The following KIRREL3 variants were observed in gnomAD, a reference collection of about 807,000 sequenced individuals.
KIRREL3 encodes kirre like nephrin family adhesion molecule 3, also known as kin of IRRE-like protein 3.
KIRREL3 carries 36 observed loss-of-function variants against 89.7 expected under a neutral mutation model. The ratio of observed to expected loss-of-function variants is 0.40; its 90% CI spans 0.31 to 0.53. KIRREL3 has a LOEUF of 0.53. KIRREL3 is among the 20% of genes least tolerant of loss of function. The probability of loss-of-function intolerance (pLI) is 0.49; values close to 1 mark genes in which losing one functional copy is unlikely to be tolerated. For synonymous variants in KIRREL3, 445 were observed against 441.4 expected (o/e 1.01, Z -0.10); for missense variants, 864 against 1,056.6 (o/e 0.82, Z 2.53).
chr11:126,538,816 G>A (rs577712169), intron 2 of KIRREL3, among the ~76,000 whole-genome samples: 8 of 152,264 alleles, frequency 5.3e-5, no homozygotes, highest in African/African-American at 1.7e-4. Context: ...TATGTCTTCC[G>A]CTGAGTAGGC....
At chr11:126,851,106 T>G (rs1944325838) in intron 1 of KIRREL3, among the ~76,000 whole-genome samples, 1 of 152,170 alleles carries the variant, frequency 6.6e-6, no homozygotes, top group Admixed American at 6.5e-5. Flanking sequence ...GGAAAAGAAT[T>G]CTGTATAAAG....
chr11:126,536,656 T>TA (rs1380176237), intron 2 of KIRREL3, among the ~76,000 whole-genome samples: 1 of 142,834 alleles, frequency 7.0e-6, no homozygotes, highest in Admixed American at 7.1e-5. Context: ...TTTTTTTTTT[T>TA]TTTTTTTTTT....
Position 126,684,660 on chromosome 11 carries a change from C to T in KIRREL3, c.56-121748G>A, listed in dbSNP as rs755051060. On this transcript the variant is annotated intron_variant, in intron 1 of 16. Transcript: ENST00000525144. This position sits in a 1 kb window ranked among gnomAD's most constrained non-coding sequence, Gnocchi z 4.2. The stretch of plus-strand genomic sequence containing the variant: ...ATTTCTTTGGGCCAGTCTCCTTTGT[C>T]TGCACTTGCTGAGAAGGCATTTATG... Among the ~76,000 whole-genome samples, 3 of 152,360 alleles carry T rather than the reference C, an allele frequency of 2.0e-5. No homozygotes were observed. The highest frequency in any genetic ancestry group is 2.9e-5 in the Non-Finnish European group (2 of 68,040).
At chr11:126,765,174 T>C (rs1949783730) in intron 1 of KIRREL3, among the ~76,000 whole-genome samples, 1 of 152,206 alleles carries the variant, frequency 6.6e-6, no homozygotes, top group African/African-American at 2.4e-5. Context: ...CCAAATACCC[T>C]GGCCCAACTA....
In KIRREL3 at chr11:126,726,118, TG is replaced by T. The variant is rs1948370040; in HGVS notation, c.56-163207del. On this transcript the variant is annotated intron_variant, in intron 1 of 16. Coordinates refer to ENST00000525144, the MANE Select transcript of KIRREL3 (RefSeq NM_032531.4). ...CATTCTAACCCCCTGTGTCCCGAAG[TG>T]GGTCTCTAAGGCCCTTCTGTGGAAC... 2.0e-5 allele frequency among the ~76,000 whole-genome samples: 3 copies of T among 152,140 alleles called. No individual in the cohort carries two copies. The South Asian group carries it at 6.2e-4, about 32-fold the overall frequency.
chr11:126,974,001 A>G lies in KIRREL3; in HGVS notation c.55+26454T>C, dbSNP rs185710798. On this transcript the variant is annotated intron_variant, in intron 1 of 16. Coordinates refer to ENST00000525144, the MANE Select transcript of KIRREL3 (RefSeq NM_032531.4). ...CAAGACTAGGGCTCATGTTTTCTTT[A>G]GTTGTCCTGTGTGCTCCCTGAGGGC... Among the ~76,000 whole-genome samples the G allele has an allele frequency of 3.9e-5, 6 of 152,144 alleles. No individual in the cohort carries two copies. The East Asian group carries it at 1.2e-3, about 29-fold the overall frequency.
intron 1 of KIRREL3, among the ~76,000 whole-genome samples, chr11:126,874,894 G>A (rs922439619): frequency 1.3e-5 from 2 of 152,132 alleles, no homozygotes; most frequent in Non-Finnish European, 2.9e-5. Context: ...GGCCTAGAGA[G>A]GTGGAGACCT....
At chr11:126,625,090 C>T (rs1391361251) in intron 1 of KIRREL3, among the ~76,000 whole-genome samples, 4 of 152,194 alleles carry the variant, frequency 2.6e-5, no homozygotes, top group African/African-American at 9.6e-5. Flanking sequence ...CTACATATCC[C>T]TGATGATAAT....
At chr11:126,885,451 A>G (rs1945659839) in intron 1 of KIRREL3, among the ~76,000 whole-genome samples, 1 of 152,214 alleles carries the variant, frequency 6.6e-6, no homozygotes, top group African/African-American at 2.4e-5. Context: ...GTTTCTTAGG[A>G]AAGACAGGTT....
intron 1 of KIRREL3, among the ~76,000 whole-genome samples, chr11:126,901,590 G>A (rs1309042508): frequency 6.6e-6 from 1 of 152,170 alleles, no homozygotes; most frequent in Non-Finnish European, 1.5e-5. Flanking sequence ...TGGTCCTGCT[G>A]GCAACCTCTT....
intron 1 of KIRREL3, among the ~76,000 whole-genome samples, chr11:126,770,762 C>T (rs1949995020): frequency 6.6e-6 from 1 of 152,114 alleles, no homozygotes; most frequent in Admixed American, 6.5e-5. Flanking sequence ...TCATACGGAG[C>T]CCCAGAGCAG....
chr11:126,642,523 G>A lies in KIRREL3; in HGVS notation c.56-79611C>T, dbSNP rs73629129. On this transcript the variant is annotated intron_variant, in intron 1 of 16. Coordinates refer to ENST00000525144, the MANE Select transcript of KIRREL3 (RefSeq NM_032531.4). This position sits in a 1 kb window ranked among gnomAD's most constrained non-coding sequence, Gnocchi z 4.9. ...TTCCATTCCCCATCCCCTTTCCTCT[G>A]CCTTTTCCAAGCAAACTCTTACTCT... Among the ~76,000 whole-genome samples, 11,129 of 152,216 alleles carry A rather than the reference G, an allele frequency of 0.073. 545 individuals carry two copies. The highest frequency in any genetic ancestry group is 0.13 in the African/African-American group (5,412 of 41,516).
chr11:126,821,355 A>AT (rs1440926983), intron 1 of KIRREL3, among the ~76,000 whole-genome samples: 9 of 140,424 alleles, frequency 6.4e-5, no homozygotes, highest in East Asian at 2.1e-4. Context: ...ATATATATGT[A>AT]ACTTCCAACC....
In KIRREL3 at chr11:126,447,211, C is replaced by T. The variant is rs376848255; in HGVS notation, c.998-325G>A. Reference sequence around the variant, plus strand: ...GATTTACCCCCACGGCTCTCATCCCCTTCCCTCTGTCTGGATCACGCCCGG... The same window carrying T: ...GATTTACCCCCACGGCTCTCATCCCTTTCCCTCTGTCTGGATCACGCCCGG... On this transcript the variant is annotated intron_variant, in intron 8 of 16. Transcript: ENST00000525144. Among the ~76,000 whole-genome samples, 10 of 152,338 alleles carry T rather than the reference C, an allele frequency of 6.6e-5. 1 individual carries two copies. Among genetic ancestry groups the T allele is most frequent in the African/African-American group, 2.4e-4 (10 of 41,570 alleles).
chr11:126,657,560 C>T (rs1434197098), intron 1 of KIRREL3, among the ~76,000 whole-genome samples: 1 of 152,168 alleles, frequency 6.6e-6, no homozygotes, highest in Admixed American at 6.5e-5. Flanking sequence ...TCTTCTCACC[C>T]AGTGTGGGGC....
chr11:126,941,288 T>C (rs1027031091), intron 1 of KIRREL3, among the ~76,000 whole-genome samples: 3 of 147,760 alleles, frequency 2.0e-5, no homozygotes, highest in Admixed American at 1.4e-4. Flanking sequence ...TTGTCTTTTA[T>C]TTAACTGGCC....
rs1274644792 is a variant in KIRREL3 at position 126,736,635 on chromosome 11, G to A, written c.56-173723C>T. Among the ~76,000 whole-genome samples the A allele has an allele frequency of 5.3e-5, 8 of 152,160 alleles. No homozygotes were observed. The highest frequency in any genetic ancestry group is 5.2e-4 in the Admixed American group (8 of 15,276). ...TGGCCTCCAGTGAGGAGCCCAGGGT[G>A]CTGCTAACCACTCTGCAATGCACAG... On this transcript the variant is annotated intron_variant, in intron 1 of 16. Coordinates refer to ENST00000525144, the MANE Select transcript of KIRREL3 (RefSeq NM_032531.4). The surrounding 1 kb of genome is among the most constrained non-coding windows in gnomAD (Gnocchi z 5.0).
rs569719358 is a variant in KIRREL3, at chr11:126,802,497, C to T, written c.55+197958G>A. On this transcript the variant is annotated intron_variant, in intron 1 of 16. Transcript: ENST00000525144. The surrounding 1 kb of genome is among the most constrained non-coding windows in gnomAD (Gnocchi z 5.2). ...CTTCTCATGTCTGCGTGGATTTTCTCTGTGTCCTCCAGCTTCCTCCCACAT... is the reference window on the plus strand; with the variant it reads ...CTTCTCATGTCTGCGTGGATTTTCTTTGTGTCCTCCAGCTTCCTCCCACAT... 2.0e-5 allele frequency among the ~76,000 whole-genome samples: 3 copies of T among 152,296 alleles called. No homozygotes were observed. In the East Asian group the frequency reaches 5.8e-4, roughly 30 times the overall value.
intron 1 of KIRREL3, among the ~76,000 whole-genome samples, chr11:126,762,676 T>A (rs1295326316): frequency 6.6e-6 from 1 of 152,204 alleles, no homozygotes; most frequent in Non-Finnish European, 1.5e-5. Flanking sequence ...TACCTCCTGA[T>A]GCTAGTGACA....
Sources: gnomAD v4.1 joint callset for allele counts (sites outside exome capture counted in the v4.1 genomes callset) on GRCh38, gnomAD v4.1.1 for gene constraint, Gnocchi (gnomAD v3.1) non-coding constraint, MANE v1.5 for transcripts, NCBI Gene and HGNC (gene_info 2026-07-23, HGNC 2026-07-21) for gene names.